The following TOX4 variants were observed in gnomAD, a reference collection of about 807,000 sequenced individuals.
TOX4 encodes TOX high mobility group box family member 4.
In TOX4, 12 loss-of-function variants were observed where a neutral mutation model predicts 61.0. The ratio of observed to expected loss-of-function variants is 0.20; its 90% CI spans 0.13 to 0.32. The LOEUF (loss-of-function observed/expected upper bound fraction) is 0.32, where lower values mean the gene tolerates loss of function less well. TOX4 is among the 10% of genes least tolerant of loss of function. The pLI is 1.00. For missense variants in TOX4, 499 were observed against 753.3 expected (o/e 0.66, Z 3.95); for synonymous variants, 268 against 274.8 (o/e 0.98, Z 0.24).
chr14:21,479,760 C>T (rs1477158374), intron 2 of TOX4, among the ~76,000 whole-genome samples: 2 of 152,182 alleles, frequency 1.3e-5, no homozygotes, highest in African/African-American at 2.4e-5. Flanking sequence ...TGTTGCAAAT[C>T]TCACATTGGA....
chr14:21,478,843 G>C (rs1406783090), intron 2 of TOX4, among the ~76,000 whole-genome samples: 1 of 151,060 alleles, frequency 6.6e-6, no homozygotes, highest in South Asian at 2.1e-4. Flanking sequence ...TCTCCCTGTA[G>C]CCCAGGCTGG....
rs149041174 is a variant in TOX4, at chr14:21,492,667, G to A, written c.1051G>A (p.Val351Met). ...TGTTAACTCCACCCTTTCATCCTAT[G>A]TGGCAAACCAGGCATCTTCTGGAGC... is the stretch of plus-strand genomic sequence containing the variant. ...IVVNSTLSSY[V>M]ANQASSGAGG... Residue 351 changes from valine to methionine, a missense_variant, in exon 7 of 9, where the codon GTG becomes ATG. Val to Met is a conservative substitution (Grantham distance 21). Coordinates refer to ENST00000448790, the MANE Select transcript of TOX4 (RefSeq NM_014828.4). 3.1e-4 allele frequency: 497 copies of A among 1,613,812 alleles called. 1 individual carries two copies. The highest frequency in any genetic ancestry group is 1.5e-3 in the Middle Eastern group (9 of 6,032).
At chr14:21,492,030 T>A in intron 5 of TOX4, 1 of 264,908 alleles carries the variant, frequency 3.8e-6, no homozygotes, top group Non-Finnish European at 7.2e-6. Context: ...TTAAAAAAAA[T>A]AAAATAAATG....
chr14:21,478,656 A>G lies in TOX4; in HGVS notation c.75+1092A>G, dbSNP rs567060804. Among the ~76,000 whole-genome samples, 78 of 152,272 alleles carry G rather than the reference A, an allele frequency of 5.1e-4. 1 individual carries two copies. The South Asian group carries it at 0.011, about 22-fold the overall frequency. On this transcript the variant is annotated intron_variant, in intron 2 of 8. Transcript: ENST00000448790. ...CATCTGCCATTTTTTGAGGACTTTT[A>G]TATTTATTTTCAAAAGTGGTGTGGA...
At chr14:21,480,624 A>T (rs561222275) in intron 2 of TOX4, among the ~76,000 whole-genome samples, 12 of 152,106 alleles carry the variant, frequency 7.9e-5, no homozygotes, top group African/African-American at 2.9e-4. Flanking sequence ...TCTAACCATT[A>T]AAAAAAATGA....
At position 21,487,516 on chromosome 14, in the gene TOX4, T is replaced by C; in HGVS notation, c.141T>C (p.Asp47=). Residue 47 remains aspartate, a synonymous_variant, in exon 3 of 9, where the codon GAT becomes GAC. Coordinates refer to ENST00000448790, the MANE Select transcript of TOX4 (RefSeq NM_014828.4). Reference sequence around the variant, plus strand: ...TCCCACCTATCTCCTTGGATTCTGATCCCTCATTGGCTGTCTCAGATGTGG... The same window carrying C: ...TCCCACCTATCTCCTTGGATTCTGACCCCTCATTGGCTGTCTCAGATGTGG... ...FEIPPISLDS[D]PSLAVSDVVG... is the part of the protein sequence containing the mutation. 6.2e-7 allele frequency: 1 copy of C among 1,614,128 alleles called. No individual in the cohort carries two copies. The highest frequency in any genetic ancestry group is 8.5e-7 in the Non-Finnish European group (1 of 1,179,978).
chr14:21,485,289 T>C (rs1421181958), intron 2 of TOX4, among the ~76,000 whole-genome samples: 1 of 104,614 alleles, frequency 9.6e-6, no homozygotes, highest in East Asian at 3.7e-4. Context: ...GTGGCACATG[T>C]CTGTAATCCC....
In TOX4 at chr14:21,495,238, CCTT is replaced by C. The variant is rs763708774; in HGVS notation, c.1654_1656del (p.Ser552del). ...CTTCTTCTTCTCACAGGTTGAGTCT[CCTT>C]CTCAGATGGATGTTGAATTGGTGAG... On this transcript the variant is annotated inframe_deletion, in exon 8 of 9. Transcript: ENST00000448790. 9.3e-5 allele frequency: 150 copies of C among 1,614,038 alleles called. 3 individuals are homozygous for C. The East Asian group carries it at 3.0e-3, about 33-fold the overall frequency.
chr14:21,479,743 ATT>A (rs1431634543), intron 2 of TOX4, among the ~76,000 whole-genome samples: 3 of 152,194 alleles, frequency 2.0e-5, no homozygotes, highest in African/African-American at 4.8e-5. Flanking sequence ...AAATTTCATT[ATT>A]TGAGTGTTGC....
intron 2 of TOX4, among the ~76,000 whole-genome samples, chr14:21,479,132 TTTTA>T (rs150497169): frequency 0.26 from 37,959 of 144,792 alleles, 5,120 homozygotes; most frequent in Middle Eastern, 0.33. Context: ...TTTTTGTTGC[TTTTA>T]TTTATTATTC....
At chr14:21,477,682 T>A (rs1469697754) in intron 2 of TOX4, 118 bp downstream of exon 2, 8 of 1,155,174 alleles carry the variant, frequency 6.9e-6, no homozygotes, top group Admixed American at 2.2e-5. Context: ...CCGCAATTGG[T>A]GTTTAGAGAA....
intron 2 of TOX4, among the ~76,000 whole-genome samples, chr14:21,481,668 C>A (rs10142478): frequency 0.92 from 140,215 of 152,292 alleles, 64,663 homozygotes; most frequent in Middle Eastern, 0.95. Context: ...TTTATTCTTA[C>A]TAGCTTAACC....
chr14:21,477,366 G>A, intron 1 of TOX4, 82 bp downstream of exon 1: 1 of 1,613,242 alleles, frequency 6.2e-7, no homozygotes, highest in Non-Finnish European at 8.5e-7. Flanking sequence ...GGGCGGAGAG[G>A]CGACTGACGG....
chr14:21,485,342 G>C (rs1891177052), intron 2 of TOX4, among the ~76,000 whole-genome samples: 1 of 105,688 alleles, frequency 9.5e-6, no homozygotes, highest in African/African-American at 3.6e-5. Flanking sequence ...TTGAACCTGG[G>C]AGGCGGAGGT....
In TOX4 at chr14:21,497,809, G is replaced by A. The variant is rs1318758055; in HGVS notation, c.*1203G>A. 2 of 154,252 alleles carry A rather than the reference G, an allele frequency of 1.3e-5. No individual in the cohort carries two copies. The highest frequency in any genetic ancestry group is 6.5e-5 in the Admixed American group (1 of 15,384). The allele number at this position is 154,252 out of a possible 1,614,324, so 9.6% of individuals were successfully genotyped here. ...CCCAAAGTGCTGGGATTACAGGCAT[G>A]AGCCACCGCACCCAGCCTGCATTCC... On this transcript the variant is annotated 3_prime_UTR_variant, in exon 9 of 9. Transcript: ENST00000448790.
chr14:21,478,658 A>G (rs4296176), intron 2 of TOX4, among the ~76,000 whole-genome samples: 76,439 of 152,014 alleles, frequency 0.5, 19,390 homozygotes, highest in East Asian at 0.63. Flanking sequence ...GGACTTTTAT[A>G]TTTATTTTCA....
chr14:21,488,365 A>G (rs960725712), intron 3 of TOX4: 24 of 527,586 alleles, frequency 4.5e-5, no homozygotes, highest in Admixed American at 1.4e-4. Context: ...GACTTCTCTG[A>G]TTATTTTTAG....
chr14:21,488,710 T>G lies in TOX4; in HGVS notation c.439T>G (p.Ser147Ala). ...GHSQLTTIDQ[S>A]ELSSQLGLSL... is the part of the protein sequence containing the mutation. ...TAGCCAGTTGACCACCATTGATCAG[T>G]CAGAACTGAGTTCCCAGCTGGGTTT... Residue 147 changes from serine (S) to alanine (A), a missense_variant, in exon 4 of 9, where the codon TCA (serine) becomes GCA (alanine). Ser to Ala is a moderately conservative substitution (Grantham distance 99). Coordinates refer to ENST00000448790, the MANE Select transcript of TOX4 (RefSeq NM_014828.4). 1.2e-6 allele frequency: 2 copies of G among 1,614,160 alleles called. No homozygotes were observed. Among genetic ancestry groups the G allele is most frequent in the Non-Finnish European group, 1.7e-6 (2 of 1,180,030 alleles).
chr14:21,489,410 A>G lies in TOX4; in HGVS notation c.810+7A>G. The G allele has an allele frequency of 6.2e-7, 1 of 1,607,712 alleles. No homozygotes were observed. The highest frequency in any genetic ancestry group is 8.5e-7 in the Non-Finnish European group (1 of 1,177,766). On this transcript the variant is annotated splice_region_variant and intron_variant, in intron 5 of 8. Transcript: ENST00000448790. ...TGGAGAGGAGCAAAAACAGGTGAGC[A>G]AATATTGAGGAACTAGTAGTGAATG...
Sources: gnomAD v4.1 joint callset for allele counts (sites outside exome capture counted in the v4.1 genomes callset) on GRCh38, gnomAD v4.1.1 for gene constraint, MANE v1.5 for transcripts, NCBI Gene and HGNC (gene_info 2026-07-23, HGNC 2026-07-21) for gene names.